DNAJC18: variants seen among roughly 807,000 people sequenced by gnomAD.
DNAJC18 encodes dnaJ homolog subfamily C member 18.
DNAJC18 carries 40 observed loss-of-function variants against 48.6 expected under a neutral mutation model. The observed-to-expected ratio is 0.82, with a 90% CI of 0.64 to 1.07. The LOEUF (loss-of-function observed/expected upper bound fraction) is 1.07, where lower values mean the gene tolerates loss of function less well. Ranked by LOEUF, DNAJC18 falls within the 50% of genes least tolerant of loss-of-function variation. The pLI is 0.00. For synonymous variants in DNAJC18, 135 were observed against 152.2 expected (o/e 0.89, Z 0.83); for missense variants, 340 against 427.7 (o/e 0.79, Z 1.81).
intron 2 of DNAJC18, among the ~76,000 whole-genome samples, chr5:139,432,010 G>A (rs527394782): frequency 6.6e-6 from 1 of 152,252 alleles, no homozygotes; most frequent in Non-Finnish European, 1.5e-5. Flanking sequence ...TATATAGGAG[G>A]AATGCCTATT....
At chr5:139,428,064 T>C (rs940010777) in intron 3 of DNAJC18, among the ~76,000 whole-genome samples, 2 of 152,160 alleles carry the variant, frequency 1.3e-5, no homozygotes, top group African/African-American at 4.8e-5. Flanking sequence ...GGATTACAGG[T>C]GTGAGCCACT....
chr5:139,427,978 G>A (rs968878577), intron 3 of DNAJC18, among the ~76,000 whole-genome samples: 2 of 152,204 alleles, frequency 1.3e-5, no homozygotes, highest in African/African-American at 4.8e-5. Flanking sequence ...TTGGAGTGCA[G>A]TGGTGCAATC....
chr5:139,412,982 G>A lies in DNAJC18; in HGVS notation c.*1166C>T, dbSNP rs1759015170. The A allele has an allele frequency of 2.3e-5, 9 of 398,082 alleles. No homozygotes were observed. The highest frequency in any genetic ancestry group is 3.6e-5 in the East Asian group (1 of 28,090). The allele number at this position is 398,082 out of a possible 1,614,324, so 24.7% of individuals were successfully genotyped here. ...CTTTCTACTTGACACTCAGCCTACC[G>A]TCTTGCTCTGCCACTACAAGACCTG... is the stretch of plus-strand genomic sequence containing the variant. On this transcript the variant is annotated 3_prime_UTR_variant, in exon 8 of 8. Coordinates refer to ENST00000302060, the MANE Select transcript of DNAJC18 (RefSeq NM_152686.4).
At chr5:139,432,589 C>T (rs1475100887) in intron 2 of DNAJC18, among the ~76,000 whole-genome samples, 5 of 152,226 alleles carry the variant, frequency 3.3e-5, no homozygotes, top group African/African-American at 1.2e-4. Context: ...GCCTCAGCCT[C>T]CCAAGTAGCT....
chr5:139,433,810 G>T (rs754551095), intron 2 of DNAJC18, among the ~76,000 whole-genome samples: 1 of 152,136 alleles, frequency 6.6e-6, no homozygotes, highest in Non-Finnish European at 1.5e-5. Flanking sequence ...AAATAGACTA[G>T]AATCTAGATA....
chr5:139,418,678 G>A (rs946585165), intron 7 of DNAJC18: 29 of 450,938 alleles, frequency 6.4e-5, no homozygotes, highest in Admixed American at 3.1e-4. Flanking sequence ...CAGAAATAGG[G>A]GGCAGAGACC....
At chr5:139,426,614 T>G (rs561295254) in intron 3 of DNAJC18, among the ~76,000 whole-genome samples, 1 of 152,308 alleles carries the variant, frequency 6.6e-6, no homozygotes, top group African/African-American at 2.4e-5. Context: ...TCAACAGTCC[T>G]GTAGTCATCC....
chr5:139,422,309 A>G (rs1759167247), intron 6 of DNAJC18, among the ~76,000 whole-genome samples: 1 of 152,238 alleles, frequency 6.6e-6, no homozygotes, highest in South Asian at 2.1e-4. Flanking sequence ...ATTGAAAATA[A>G]TCACTTGATC....
At position 139,413,395 on chromosome 5, in the gene DNAJC18, CATTCTCTGG is replaced by C. The variant is rs1199487320; in HGVS notation, c.*744_*752del. 6.6e-6 allele frequency: 1 copy of C among 152,570 alleles called. No homozygotes were observed. The highest frequency in any genetic ancestry group is 2.4e-5 in the African/African-American group (1 of 41,452). The allele number at this position is 152,570 out of a possible 1,614,324, so 9.5% of individuals were successfully genotyped here. Reference sequence around the variant, plus strand: ...TACTGAGGGGAAATGACCGAAGGGACATTCTCTGGGTTCTATGATGGAGTAGGGAGGCTT... The same window carrying C: ...TACTGAGGGGAAATGACCGAAGGGACGTTCTATGATGGAGTAGGGAGGCTT... On this transcript the variant is annotated 3_prime_UTR_variant, in exon 8 of 8. Coordinates refer to ENST00000302060, the MANE Select transcript of DNAJC18 (RefSeq NM_152686.4).
At position 139,414,126 on chromosome 5, in the gene DNAJC18, C is replaced by G; in HGVS notation, c.*22G>C. The G allele has an allele frequency of 6.2e-7, 1 of 1,603,574 alleles. No individual in the cohort carries two copies. Among genetic ancestry groups the G allele is most frequent in the Non-Finnish European group, 8.5e-7 (1 of 1,176,920 alleles). ...TAGGAACAAGTAGCAAAACCCCAGCCCTGCGTAGGACCATTATCCTCTCAG... is the reference window on the plus strand; with the variant it reads ...TAGGAACAAGTAGCAAAACCCCAGCGCTGCGTAGGACCATTATCCTCTCAG... On this transcript the variant is annotated 3_prime_UTR_variant, in exon 8 of 8. Coordinates refer to ENST00000302060, the MANE Select transcript of DNAJC18 (RefSeq NM_152686.4).
rs1306569743 is a variant in DNAJC18 at position 139,432,190 on chromosome 5, G to A, written c.228-3507C>T. Among the ~76,000 whole-genome samples the A allele has an allele frequency of 2.7e-5, 4 of 150,074 alleles. No homozygotes were observed. In the East Asian group the frequency reaches 7.8e-4, roughly 29 times the overall value. On this transcript the variant is annotated intron_variant, in intron 2 of 7. Transcript: ENST00000302060. ...ATTCTTTTTTTTTTTTTGAGATAGA[G>A]TTTCACTCTTGTCATCTAGGCTGGA... is the stretch of plus-strand genomic sequence containing the variant.
intron 7 of DNAJC18, among the ~76,000 whole-genome samples, chr5:139,418,249 C>T (rs1759098813): frequency 6.6e-6 from 1 of 152,140 alleles, no homozygotes; most frequent in African/African-American, 2.4e-5. Context: ...CAGCTCACTG[C>T]AGCCTTGATC....
intron 3 of DNAJC18, among the ~76,000 whole-genome samples, chr5:139,427,597 T>C (rs1759263618): frequency 6.6e-6 from 1 of 152,224 alleles, no homozygotes; most frequent in Admixed American, 6.5e-5. Context: ...AGGCCACAGA[T>C]ATTACGTCAC....
At chr5:139,438,455 G>A (rs1314637607) in intron 1 of DNAJC18, among the ~76,000 whole-genome samples, 1 of 152,106 alleles carries the variant, frequency 6.6e-6, no homozygotes, top group Non-Finnish European at 1.5e-5. Context: ...ATGTGGTCCA[G>A]GGAAGCCAAA....
intron 3 of DNAJC18, among the ~76,000 whole-genome samples, chr5:139,428,060 C>T (rs765473091): frequency 5.9e-5 from 9 of 152,066 alleles, no homozygotes; most frequent in Admixed American, 2.0e-4. Flanking sequence ...GCTAGGATTA[C>T]AGGTGTGAGC....
At chr5:139,433,453 A>C (rs995828207) in intron 2 of DNAJC18, among the ~76,000 whole-genome samples, 1 of 152,152 alleles carries the variant, frequency 6.6e-6, no homozygotes, top group Non-Finnish European at 1.5e-5. Flanking sequence ...TCAAAAAAAA[A>C]AAAAAACAAA....
chr5:139,417,282 T>A (rs1405456625), intron 7 of DNAJC18, among the ~76,000 whole-genome samples: 1 of 152,016 alleles, frequency 6.6e-6, no homozygotes, highest in Non-Finnish European at 1.5e-5. Context: ...AAAAAGTCAA[T>A]GGCTAACCTT....
chr5:139,426,162 GGA>G lies in DNAJC18; in HGVS notation c.559+8_559+9del. ...AATATGTTTAAGAATGATAATTTGG[GGA>G]GACTAACCTGTAGGAAAATGTCCTC... On this transcript the variant is annotated splice_region_variant and intron_variant, in intron 4 of 7. Coordinates refer to ENST00000302060, the MANE Select transcript of DNAJC18 (RefSeq NM_152686.4). 1 of 1,608,210 alleles carries G rather than the reference GGA, an allele frequency of 6.2e-7. No individual in the cohort carries two copies. Among genetic ancestry groups the G allele is most frequent in the Non-Finnish European group, 8.5e-7 (1 of 1,178,166 alleles).
intron 7 of DNAJC18, 21 bp from the exon 8 acceptor site, chr5:139,414,293 C>T (rs1178366297): frequency 6.2e-7 from 1 of 1,602,650 alleles, no homozygotes; most frequent in Admixed American, 1.8e-5. Context: ...AAAGAGGTAA[C>T]CAATTCATCA....
Sources: allele counts gnomAD v4.1 joint callset (sites outside exome capture counted in the v4.1 genomes callset), GRCh38; gene constraint gnomAD v4.1.1; transcripts MANE v1.5; gene names NCBI Gene and HGNC (gene_info 2026-07-23, HGNC 2026-07-21).